The following LUZP1 variants were observed in gnomAD, a reference collection of about 807,000 sequenced individuals.
LUZP1 encodes the protein leucine zipper protein 1.
A neutral mutation model predicts 71.3 loss-of-function variants in LUZP1; 25 were observed. The observed-to-expected ratio is 0.35, with a 90% confidence interval of 0.26 to 0.49. The LOEUF is 0.49. Ranked by LOEUF, LUZP1 falls within the 20% of genes least tolerant of loss-of-function variation. The probability of loss-of-function intolerance (pLI) is 0.99; values close to 1 mark genes in which losing one functional copy is unlikely to be tolerated. For synonymous variants in LUZP1, 481 were observed against 506.4 expected (o/e 0.95, Z 0.67); for missense variants, 1,142 against 1,300.8 (o/e 0.88, Z 1.88).
At chr1:23,152,150 C>T (rs1644389905) in intron 2 of LUZP1, among the ~76,000 whole-genome samples, 3 of 152,022 alleles carry the variant, frequency 2.0e-5, no homozygotes, top group African/African-American at 4.8e-5. Context: ...TTAATACACA[C>T]AGGGCAAATT....
At chr1:23,127,393 A>C (rs1368871244) in intron 2 of LUZP1, among the ~76,000 whole-genome samples, 2 of 152,202 alleles carry the variant, frequency 1.3e-5, no homozygotes, top group Non-Finnish European at 2.9e-5. Context: ...CACCCTCTGC[A>C]CTAAGCCTGG....
At chr1:23,147,544 TGGAA>T (rs1462724585) in intron 2 of LUZP1, among the ~76,000 whole-genome samples, 1 of 135,332 alleles carries the variant, frequency 7.4e-6, no homozygotes, top group Non-Finnish European at 1.5e-5. Flanking sequence ...AAGACTGAGG[TGGAA>T]GGATCACTTG....
At chr1:23,116,584 T>TAAAA (rs71848574) in intron 2 of LUZP1, among the ~76,000 whole-genome samples, 3 of 132,852 alleles carry the variant, frequency 2.3e-5, no homozygotes, top group African/African-American at 8.2e-5. Context: ...ACTGGACTGT[T>TAAAA]AAAAAAAAAA....
chr1:23,171,435 G>C (rs548130829), intron 1 of LUZP1, among the ~76,000 whole-genome samples: 248 of 152,288 alleles, frequency 1.6e-3, no homozygotes, highest in African/African-American at 5.7e-3. Flanking sequence ...AGAGTTCTTT[G>C]CAGCACAGCT....
chr1:23,145,199 C>T (rs1402185656), intron 2 of LUZP1, among the ~76,000 whole-genome samples: 2 of 152,148 alleles, frequency 1.3e-5, no homozygotes, highest in Middle Eastern at 3.4e-3. Flanking sequence ...CTATGCCCAG[C>T]CTATTTCTTT....
intron 2 of LUZP1, among the ~76,000 whole-genome samples, chr1:23,118,010 A>G (rs1054555616): frequency 6.6e-6 from 1 of 152,084 alleles, no homozygotes; most frequent in African/African-American, 2.4e-5. Flanking sequence ...GACTTGCTTG[A>G]ACCCGGGAGG....
At chr1:23,137,094 A>G (rs1644260719) in intron 2 of LUZP1, among the ~76,000 whole-genome samples, 1 of 152,200 alleles carries the variant, frequency 6.6e-6, no homozygotes, top group Admixed American at 6.5e-5. Flanking sequence ...TATACATGGC[A>G]TGGGCAATGA....
At chr1:23,103,891 A>AGGGGGGAAG (rs1569573592) in intron 3 of LUZP1, among the ~76,000 whole-genome samples, 1 of 7,252 alleles carries the variant, frequency 1.4e-4, no homozygotes, top group African/African-American at 7.7e-4. Flanking sequence ...AGAGAGGGAG[A>AGGGGGGAAG]GAGGGAGGGA....
In LUZP1 at chr1:23,092,773, C is replaced by T. The variant is rs563389221; in HGVS notation, c.1489G>A (p.Glu497Lys). The stretch of plus-strand genomic sequence containing the variant: ...TCCACTTTTCCCTTCAGTCCGCTCT[C>T]GGTGCCTGGCTTGGAAGTCCCCTTC... Residue 497 changes from glutamate (E) to lysine (K), a missense_variant, in exon 4 of 5, where the codon GAG (glutamate) becomes AAG (lysine). Physicochemically the swap from Glu to Lys is moderately conservative, Grantham distance 56. Coordinates refer to ENST00000302291, the Ensembl canonical transcript of LUZP1. 6 of 1,613,746 alleles carry T rather than the reference C, an allele frequency of 3.7e-6. No homozygotes were observed. The Admixed American group carries it at 5.0e-5, about 13-fold the overall frequency.
exon 4 of LUZP1, chr1:23,092,875 C>G: frequency 6.2e-7 from 1 of 1,613,802 alleles, no homozygotes. Flanking sequence ...TTCTTCCCTT[C>G]GCTCTGGGAG....
intron 3 of LUZP1, among the ~76,000 whole-genome samples, chr1:23,106,734 C>A (rs755064360): frequency 1.4e-4 from 22 of 152,192 alleles, no homozygotes; most frequent in Admixed American, 1.3e-4. Context: ...CCACCCAGGT[C>A]CAACCTACCA....
rs780679864 is a variant in LUZP1, at chr1:23,093,576, G to A, written c.686C>T (p.Thr229Ile). ...TCTTTCCAGATTAGAAGCATTCCTTGTATAATCTCGGTTCATTTTTTTGTT... is the reference window on the plus strand; with the variant it reads ...TCTTTCCAGATTAGAAGCATTCCTTATATAATCTCGGTTCATTTTTTTGTT... Residue 229 changes from threonine (T) to isoleucine (I), a missense_variant, in exon 4 of 5, where the codon ACA (threonine) becomes ATA (isoleucine). Transcript: ENST00000302291. This position sits in a 1 kb window ranked among gnomAD's most constrained non-coding sequence, Gnocchi z 4.2. The A allele has an allele frequency of 2.0e-5, 32 of 1,613,826 alleles. No homozygotes were observed. In the South Asian group the frequency reaches 3.2e-4, roughly 16 times the overall value.
intron 2 of LUZP1, among the ~76,000 whole-genome samples, chr1:23,151,286 C>T (rs1026458246): frequency 6.6e-6 from 1 of 152,082 alleles, no homozygotes; most frequent in African/African-American, 2.4e-5. Context: ...TCAGGTGATC[C>T]GCCTGCCTCG....
intron 2 of LUZP1, among the ~76,000 whole-genome samples, chr1:23,110,665 C>CACACACACACACACACACACACACA (rs1557647742): frequency 2.0e-5 from 3 of 151,808 alleles, no homozygotes; most frequent in African/African-American, 7.3e-5. Context: ...CACACACACA[C>CACACACACACACACACACACACACA]CCATCCCTGC....
intron 2 of LUZP1, among the ~76,000 whole-genome samples, chr1:23,149,834 C>T (rs1191313138): frequency 2.0e-5 from 3 of 151,654 alleles, no homozygotes; most frequent in Admixed American, 6.6e-5. Context: ...TGGTGGCACG[C>T]GCCTGTAATC....
At chr1:23,117,519 C>CGG (rs71575742) in intron 2 of LUZP1, among the ~76,000 whole-genome samples, 12 of 31,024 alleles carry the variant, frequency 3.9e-4, no homozygotes, top group East Asian at 3.2e-3. Flanking sequence ...GGGGGGGGGG[C>CGG]GGGGGGGGGG....
intron 2 of LUZP1, among the ~76,000 whole-genome samples, chr1:23,121,708 C>T (rs1193883134): frequency 6.6e-6 from 1 of 152,024 alleles, no homozygotes; most frequent in African/African-American, 2.4e-5. Context: ...GAGCAAGACC[C>T]TGCCTCAAAC....
At chr1:23,088,639 T>C (rs1035154436) in exon 5 of LUZP1, 1 of 398,410 alleles carries the variant, frequency 2.5e-6, no homozygotes, top group African/African-American at 2.0e-5. Context: ...TCCAACTACT[T>C]GGTGGACAGG....
intron 3 of LUZP1, among the ~76,000 whole-genome samples, chr1:23,100,290 A>G (rs1239147657): frequency 2.0e-5 from 3 of 152,226 alleles, no homozygotes; most frequent in Non-Finnish European, 4.4e-5. Flanking sequence ...ACAGAAAATA[A>G]TAAGAATGTC....
Sources: gnomAD v4.1 joint callset for allele counts (sites outside exome capture counted in the v4.1 genomes callset) on GRCh38, gnomAD v4.1.1 for gene constraint, Gnocchi (gnomAD v3.1) non-coding constraint, MANE v1.5 for transcripts, NCBI Gene and HGNC (gene_info 2026-07-23, HGNC 2026-07-21) for gene names.